The following ZNF713 variants were observed in gnomAD, a reference collection of about 807,000 sequenced individuals.
The protein encoded by ZNF713 is zinc finger protein 713.
ZNF713 carries 21 observed loss-of-function variants against 28.7 expected under a neutral mutation model. The observed-to-expected ratio is 0.73, with a 90% CI of 0.52 to 1.05. The LOEUF is 1.05. Ranked by LOEUF, ZNF713 falls within the 50% of genes least tolerant of loss-of-function variation. The pLI is 0.00. For synonymous variants in ZNF713, 167 were observed against 178.0 expected (o/e 0.94, Z 0.49); for missense variants, 458 against 532.4 (o/e 0.86, Z 1.37).
At chr7:55,902,111 A>G (rs1442350345) in intron 1 of ZNF713, among the ~76,000 whole-genome samples, 1 of 152,084 alleles carries the variant, frequency 6.6e-6, no homozygotes, top group African/African-American at 2.4e-5. Context: ...AAATCACTCA[A>G]ACCTGGGAGG....
chr7:55,891,875 T>A (rs552291918), intron 1 of ZNF713, among the ~76,000 whole-genome samples: 1 of 152,240 alleles, frequency 6.6e-6, no homozygotes, highest in African/African-American at 2.4e-5. Context: ...AGAGAAATGA[T>A]GTCCACTTAT....
At position 55,928,260 on chromosome 7, in the gene ZNF713, TC is replaced by T. The variant is rs562703307; in HGVS notation, c.307+4563del. 6.2e-4 allele frequency among the ~76,000 whole-genome samples: 94 copies of T among 152,320 alleles called. 1 individual carries two copies. Among genetic ancestry groups the T allele is most frequent in the African/African-American group, 2.1e-3 (86 of 41,570 alleles). ...TTTCTAATTTGCATGAGTATGCTCT[TC>T]CTCCTGTTATATTTAACACTGGAAA... On this transcript the variant is annotated intron_variant, in intron 6 of 6. Coordinates refer to ENST00000429591, the MANE Select transcript of ZNF713 (RefSeq NM_182633.3).
intron 2 of ZNF713, among the ~76,000 whole-genome samples, chr7:55,910,044 A>C (rs1245091510): frequency 6.6e-6 from 1 of 151,090 alleles, no homozygotes; most frequent in Non-Finnish European, 1.5e-5. Flanking sequence ...TATTTTTTTA[A>C]GAGACAGGGT....
chr7:55,937,861 G>A (rs1437652324), intron 6 of ZNF713, among the ~76,000 whole-genome samples: 2 of 152,062 alleles, frequency 1.3e-5, no homozygotes, highest in Admixed American at 6.6e-5. Flanking sequence ...CTATGATCAT[G>A]CCACTACACT....
At chr7:55,898,380 G>C (rs1785511931) in intron 1 of ZNF713, among the ~76,000 whole-genome samples, 1 of 152,214 alleles carries the variant, frequency 6.6e-6, no homozygotes, top group Non-Finnish European at 1.5e-5. Context: ...AACTACCTGA[G>C]ACTGAGTAAT....
chr7:55,937,782 C>T (rs1002205439), intron 6 of ZNF713, among the ~76,000 whole-genome samples: 2 of 151,982 alleles, frequency 1.3e-5, no homozygotes, highest in Non-Finnish European at 2.9e-5. Flanking sequence ...TGGCACACAC[C>T]TGTAGTCCTA....
rs551247749 is a variant in ZNF713, at chr7:55,892,729, G to A, written c.-583+5049G>A. On this transcript the variant is annotated intron_variant, in intron 1 of 6. Transcript: ENST00000429591. Reference sequence around the variant, plus strand: ...CTCTACTGAAGATACAAAATTAGCCGGGCGTGGTGGCGGAAGCCTATAATC... The same window carrying A: ...CTCTACTGAAGATACAAAATTAGCCAGGCGTGGTGGCGGAAGCCTATAATC... 4.0e-4 allele frequency among the ~76,000 whole-genome samples: 61 copies of A among 151,554 alleles called. No homozygotes were observed. In the South Asian group the frequency reaches 0.012, roughly 31 times the overall value.
chr7:55,908,951 G>T (rs989901829), intron 2 of ZNF713, among the ~76,000 whole-genome samples: 12 of 152,016 alleles, frequency 7.9e-5, no homozygotes, highest in African/African-American at 2.7e-4. Context: ...GCTCATGCCT[G>T]TAATCCTAGC....
intron 6 of ZNF713, among the ~76,000 whole-genome samples, chr7:55,932,657 G>C (rs1786235419): frequency 1.3e-5 from 2 of 151,578 alleles, no homozygotes; most frequent in Admixed American, 6.6e-5. Context: ...GGCCGAGGCG[G>C]GTGGATCATG....
chr7:55,898,518 T>C (rs1785515006), intron 1 of ZNF713, among the ~76,000 whole-genome samples: 1 of 152,202 alleles, frequency 6.6e-6, no homozygotes, highest in African/African-American at 2.4e-5. Flanking sequence ...CTTCTTCATA[T>C]GGCAGGAGGA....
At chr7:55,904,646 G>A (rs1172654054) in intron 1 of ZNF713, among the ~76,000 whole-genome samples, 1 of 151,884 alleles carries the variant, frequency 6.6e-6, no homozygotes, top group East Asian at 1.9e-4. Flanking sequence ...ATTTTTTGAA[G>A]AGTTGTGGCC....
chr7:55,939,642 TC>T lies in ZNF713; in HGVS notation c.970del (p.Arg324ValfsTer10). 6.2e-7 allele frequency: 1 copy of T among 1,614,216 alleles called. No homozygotes were observed. The highest frequency in any genetic ancestry group is 1.7e-5 in the Admixed American group (1 of 60,024). On this transcript the variant is annotated frameshift_variant, in exon 7 of 7. Transcript: ENST00000429591. LOFTEE classifies it high-confidence loss of function. Reference sequence around the variant, plus strand: ...ATATGCAATGGATGTGGGAAAGCCTTCCGTCAGCATTCATCCTTTACTCAAC... The same window carrying T: ...ATATGCAATGGATGTGGGAAAGCCTTCGTCAGCATTCATCCTTTACTCAAC... ...PFICNGCGKAFRQHSSFTQHL... is the reference protein window; with the variant it reads ...PFICNGCGKAXRQHSSFTQHL...
intron 6 of ZNF713, among the ~76,000 whole-genome samples, chr7:55,925,425 A>G (rs540266215): frequency 6.6e-6 from 1 of 152,114 alleles, no homozygotes; most frequent in Non-Finnish European, 1.5e-5. Context: ...GATCGAGACC[A>G]TCCTGGCCAA....
In ZNF713 at chr7:55,939,037, T is replaced by G. The variant is rs149921919; in HGVS notation, c.363T>G (p.Asp121Glu). Residue 121 changes from aspartate to glutamate, a missense_variant, in exon 7 of 7, where the codon GAT becomes GAG. Physicochemically the swap from Asp to Glu is conservative, Grantham distance 45. Coordinates refer to ENST00000429591, the MANE Select transcript of ZNF713 (RefSeq NM_182633.3). ...KKSTTSQNIS[D>E]ENQTHEMIME... is the part of the protein sequence containing the mutation. The stretch of plus-strand genomic sequence containing the variant: ...CAACCACAAGCCAGAATATTTCTGA[T>G]GAAAATCAAACCCATGAGATGATAA... 3 of 1,606,836 alleles carry G rather than the reference T, an allele frequency of 1.9e-6. No homozygotes were observed. Among genetic ancestry groups the G allele is most frequent in the Non-Finnish European group, 2.5e-6 (3 of 1,177,162 alleles).
At chr7:55,892,156 TG>T (rs1028173926) in intron 1 of ZNF713, among the ~76,000 whole-genome samples, 3 of 151,750 alleles carry the variant, frequency 2.0e-5, no homozygotes, top group Admixed American at 2.0e-4. Context: ...GGCGGGCGCC[TG>T]TAGTCCCAGC....
chr7:55,935,272 A>G (rs533130012), intron 6 of ZNF713, among the ~76,000 whole-genome samples: 12 of 152,270 alleles, frequency 7.9e-5, no homozygotes, highest in African/African-American at 2.9e-4. Flanking sequence ...GCATTATTGT[A>G]TGAAATAGCA....
intron 1 of ZNF713, among the ~76,000 whole-genome samples, chr7:55,890,846 C>T (rs927276661): frequency 5.9e-5 from 9 of 151,690 alleles, no homozygotes; most frequent in Non-Finnish European, 1.3e-4. Context: ...ATGGTGAAAC[C>T]CCATCTCCTA....
chr7:55,917,553 AG>A, intron 4 of ZNF713, among the ~76,000 whole-genome samples: 1 of 151,254 alleles, frequency 6.6e-6, no homozygotes, highest in Non-Finnish European at 1.5e-5. Context: ...TACAAAAATT[AG>A]CTGGGGGACT....
chr7:55,892,235 G>A (rs1282085852), intron 1 of ZNF713, among the ~76,000 whole-genome samples: 3 of 135,446 alleles, frequency 2.2e-5, no homozygotes, highest in Admixed American at 8.5e-5. Context: ...CCGAGATCGC[G>A]CCGCTGCACT....
Sources: allele counts gnomAD v4.1 joint callset (sites outside exome capture counted in the v4.1 genomes callset), GRCh38; gene constraint gnomAD v4.1.1; transcripts MANE v1.5; gene names NCBI Gene and HGNC (gene_info 2026-07-23, HGNC 2026-07-21).